The following ACVR1 variants were observed in gnomAD, a reference collection of about 807,000 sequenced individuals.
The protein encoded by ACVR1 is activin receptor type-1.
Under a neutral mutation model 57.1 loss-of-function variants are expected in ACVR1, and 38 were observed. The observed-to-expected ratio is 0.67, with a 90% CI of 0.51 to 0.87. The LOEUF (loss-of-function observed/expected upper bound fraction) is 0.87, where lower values mean the gene tolerates loss of function less well. Among genes scored for constraint, ACVR1 ranks in the 40% least tolerant of loss-of-function variants. The probability of loss-of-function intolerance (pLI) is 0.00; values close to 1 mark genes in which losing one functional copy is unlikely to be tolerated. For missense variants in ACVR1, 463 were observed against 638.2 expected, an observed-to-expected ratio of 0.73 and a Z score of 2.96; for synonymous variants, 212 against 228.1, an observed-to-expected ratio of 0.93 and a Z score of 0.63.
chr2:157,815,362 A>C (rs1188820190), intron 2 of ACVR1, among the ~76,000 whole-genome samples: 1 of 151,938 alleles, frequency 6.6e-6, no homozygotes, highest in Non-Finnish European at 1.5e-5. Context: ...TTCACTCTAC[A>C]CTCTTTTGTG....
chr2:157,793,068 C>G (rs1307372282), intron 3 of ACVR1, among the ~76,000 whole-genome samples: 1 of 152,144 alleles, frequency 6.6e-6, no homozygotes, highest in Non-Finnish European at 1.5e-5. Flanking sequence ...TTGGTGTTTT[C>G]AAGAGTGAAA....
chr2:157,864,809 C>T (rs1221026557), intron 1 of ACVR1, among the ~76,000 whole-genome samples: 1 of 152,128 alleles, frequency 6.6e-6, no homozygotes, highest in African/African-American at 2.4e-5. Context: ...CATAGCCCTA[C>T]TGCTTTTTTT....
chr2:157,769,692 T>G (rs1180363281), intron 7 of ACVR1, among the ~76,000 whole-genome samples: 6 of 152,198 alleles, frequency 3.9e-5, no homozygotes, highest in Non-Finnish European at 2.9e-5. Flanking sequence ...AAACTTTATA[T>G]CCACTATTGA....
chr2:157,794,053 T>G (rs1335595897), intron 3 of ACVR1, among the ~76,000 whole-genome samples: 3 of 152,308 alleles, frequency 2.0e-5, no homozygotes, highest in Middle Eastern at 6.8e-3. Context: ...GCTTACAAAT[T>G]TAATAAAATG....
intron 1 of ACVR1, among the ~76,000 whole-genome samples, chr2:157,830,069 A>C (rs1688528581): frequency 2.0e-5 from 3 of 152,176 alleles, no homozygotes; most frequent in Admixed American, 1.3e-4. Context: ...AAATACAAAA[A>C]TTAGCCAGGT....
chr2:157,776,996 CACTT>C (rs757857612), intron 5 of ACVR1, among the ~76,000 whole-genome samples: 1 of 152,304 alleles, frequency 6.6e-6, no homozygotes, highest in Admixed American at 6.5e-5. Context: ...CTCTTGCACT[CACTT>C]AACACCCACA....
intron 3 of ACVR1, among the ~76,000 whole-genome samples, chr2:157,781,124 A>G (rs1269735122): frequency 6.6e-6 from 1 of 152,254 alleles, no homozygotes; most frequent in Non-Finnish European, 1.5e-5. Context: ...TGGCAGAAAT[A>G]TACTACAAAC....
intron 1 of ACVR1, among the ~76,000 whole-genome samples, chr2:157,873,786 C>T (rs996521965): frequency 2.0e-5 from 3 of 152,106 alleles, no homozygotes; most frequent in Admixed American, 2.0e-4. Context: ...TCTGTTATAC[C>T]TTCCTTGGAC....
chr2:157,817,964 T>C (rs1688004836), intron 2 of ACVR1, among the ~76,000 whole-genome samples: 1 of 147,566 alleles, frequency 6.8e-6, no homozygotes, highest in Admixed American at 6.9e-5. Context: ...ATCACACCAC[T>C]GCACTCCAGC....
chr2:157,756,685 G>C (rs937262301), intron 9 of ACVR1, among the ~76,000 whole-genome samples: 5 of 151,920 alleles, frequency 3.3e-5, no homozygotes, highest in Non-Finnish European at 7.4e-5. Context: ...CGGCACAAAG[G>C]AAACACTTCT....
At chr2:157,746,985 A>T (rs1574011959) in intron 9 of ACVR1, among the ~76,000 whole-genome samples, 1 of 142,108 alleles carries the variant, frequency 7.0e-6, no homozygotes, top group African/African-American at 3.1e-5. Context: ...TAAAAAATAT[A>T]AAAATGCAAC....
At chr2:157,744,352 A>G (rs1174234475) in intron 9 of ACVR1, among the ~76,000 whole-genome samples, 2 of 152,248 alleles carry the variant, frequency 1.3e-5, no homozygotes. Context: ...TGAGAGCACT[A>G]TAAGTGAATA....
chr2:157,819,002 C>T (rs1004999181), intron 1 of ACVR1, among the ~76,000 whole-genome samples: 4 of 143,208 alleles, frequency 2.8e-5, no homozygotes, highest in Non-Finnish European at 1.5e-5. Flanking sequence ...GGCGTGAACC[C>T]GGGAGGTGGA....
chr2:157,754,196 A>G (rs1445782846), intron 9 of ACVR1, among the ~76,000 whole-genome samples: 2 of 152,210 alleles, frequency 1.3e-5, no homozygotes, highest in Non-Finnish European at 2.9e-5. Context: ...GCCACACCTC[A>G]AGGAACTAGA....
At chr2:157,759,388 ATC>A (rs1685555587) in intron 9 of ACVR1, among the ~76,000 whole-genome samples, 1 of 152,096 alleles carries the variant, frequency 6.6e-6, no homozygotes, top group South Asian at 2.1e-4. Context: ...AATGGATATA[ATC>A]TACCAAGATG....
intron 9 of ACVR1, 46 bp from the exon 10 acceptor site, chr2:157,738,616 G>A: frequency 6.2e-7 from 1 of 1,613,616 alleles, no homozygotes; most frequent in South Asian, 1.1e-5. Flanking sequence ...AGAGAGTACA[G>A]GTTGCCCCAA....
intron 9 of ACVR1, among the ~76,000 whole-genome samples, chr2:157,744,435 G>A (rs1056911126): frequency 6.6e-6 from 1 of 152,178 alleles, no homozygotes; most frequent in African/African-American, 2.4e-5. Context: ...CATCTCATTA[G>A]TTACATATTT....
At chr2:157,792,167 G>T (rs1686940719) in intron 3 of ACVR1, among the ~76,000 whole-genome samples, 2 of 151,348 alleles carry the variant, frequency 1.3e-5, no homozygotes, top group South Asian at 4.2e-4. Flanking sequence ...TCACCATCAT[G>T]TGCCCAAGAG....
intron 1 of ACVR1, among the ~76,000 whole-genome samples, chr2:157,842,890 G>A (rs1186334474): frequency 6.6e-6 from 1 of 152,134 alleles, no homozygotes; most frequent in Non-Finnish European, 1.5e-5. Flanking sequence ...CAGCGAGGCA[G>A]TGTACAGATT....
Sources: allele counts gnomAD v4.1 joint callset (sites outside exome capture counted in the v4.1 genomes callset), GRCh38; gene constraint gnomAD v4.1.1; transcripts MANE v1.5; gene names NCBI Gene and HGNC (gene_info 2026-07-23, HGNC 2026-07-21).